The following TMEM266 variants were observed in gnomAD, a reference collection of about 807,000 sequenced individuals.
The protein encoded by TMEM266 is transmembrane protein 266.
A neutral mutation model predicts 50.5 loss-of-function variants in TMEM266; 33 were observed. The ratio of observed to expected loss-of-function variants is 0.65; its 90% CI spans 0.50 to 0.87. The LOEUF (loss-of-function observed/expected upper bound fraction) is 0.87. TMEM266 is among the 40% of genes least tolerant of loss of function. TMEM266 has a pLI of 0.00. For synonymous variants in TMEM266, 310 were observed against 292.3 expected (o/e 1.06, Z -0.62); for missense variants, 655 against 695.1 (o/e 0.94, Z 0.65).
intron 8 of TMEM266, 92 bp from the exon 9 acceptor site, chr15:76,191,875 GC>G (rs1356960704): frequency 3.2e-6 from 3 of 936,248 alleles, no homozygotes; most frequent in African/African-American, 1.8e-5. Context: ...TCCCCACCCC[GC>G]CCCCATGCAG....
chr15:76,106,391 T>C (rs1366074077), intron 1 of TMEM266, among the ~76,000 whole-genome samples: 1 of 152,168 alleles, frequency 6.6e-6, no homozygotes, highest in African/African-American at 2.4e-5. Flanking sequence ...ATATTTATAG[T>C]ATACAACATA....
In TMEM266 at chr15:76,145,657, C is replaced by T. The variant is rs553144919; in HGVS notation, c.227+7762C>T. 1.2e-4 allele frequency among the ~76,000 whole-genome samples: 18 copies of T among 152,378 alleles called. 1 individual carries two copies. Among genetic ancestry groups the T allele is most frequent in the Admixed American group, 1.2e-3 (18 of 15,302 alleles). On this transcript the variant is annotated intron_variant, in intron 3 of 10. Transcript: ENST00000388942. ...GTGTGAACATTAGAGAGAGGATCATCCACAGCTTTTAAGGAAGCCAGTTCT... is the reference window on the plus strand; with the variant it reads ...GTGTGAACATTAGAGAGAGGATCATTCACAGCTTTTAAGGAAGCCAGTTCT...
At chr15:76,176,313 T>G (rs1015034300) in intron 8 of TMEM266, 2 of 153,086 alleles carry the variant, frequency 1.3e-5, no homozygotes, top group Non-Finnish European at 2.9e-5. Flanking sequence ...AGTTCCTTCC[T>G]CTGTAAGATG....
chr15:76,136,347 C>G (rs117301981), intron 2 of TMEM266, among the ~76,000 whole-genome samples: 5 of 152,222 alleles, frequency 3.3e-5, no homozygotes, highest in African/African-American at 1.2e-4. Context: ...CTCCTCCGAT[C>G]TTCTCCATAT....
chr15:76,189,362 G>GAGGAAGGA (rs570387591), intron 8 of TMEM266, among the ~76,000 whole-genome samples: 1 of 144,588 alleles, frequency 6.9e-6, no homozygotes, highest in Non-Finnish European at 1.5e-5. Flanking sequence ...GGGAGGGAGG[G>GAGGAAGGA]AGGAAGGAAG....
At chr15:76,111,573 G>A (rs2935972) in intron 1 of TMEM266, among the ~76,000 whole-genome samples, 63,397 of 151,180 alleles carry the variant, frequency 0.42, 14,581 homozygotes, top group East Asian at 0.61. Flanking sequence ...ATGCCCAGCT[G>A]ATTTTTGTAT....
chr15:76,067,791 A>G (rs1415703754), intron 1 of TMEM266, among the ~76,000 whole-genome samples: 2 of 151,336 alleles, frequency 1.3e-5, no homozygotes, highest in African/African-American at 2.4e-5. Context: ...GGGGCATTGT[A>G]ATTTAAGTGC....
At chr15:76,082,002 A>G (rs77172589) in intron 1 of TMEM266, among the ~76,000 whole-genome samples, 1 of 152,092 alleles carries the variant, frequency 6.6e-6, no homozygotes, top group African/African-American at 2.4e-5. Context: ...TGATCTTTGT[A>G]TTCTCAATTC....
chr15:76,149,401 C>T (rs1338591751), intron 3 of TMEM266, among the ~76,000 whole-genome samples: 1 of 152,110 alleles, frequency 6.6e-6, no homozygotes, highest in Non-Finnish European at 1.5e-5. Flanking sequence ...GGGCCCAGTA[C>T]CCAATACAGT....
At chr15:76,191,486 A>C (rs2038567362) in intron 8 of TMEM266, 1 of 152,680 alleles carries the variant, frequency 6.5e-6, no homozygotes, top group Admixed American at 6.5e-5. Flanking sequence ...AAAACGAGCC[A>C]GTGTTCAGAC....
chr15:76,178,936 A>G (rs1012835014), intron 8 of TMEM266, among the ~76,000 whole-genome samples: 11 of 152,158 alleles, frequency 7.2e-5, no homozygotes, highest in African/African-American at 2.2e-4. Flanking sequence ...AGGGACCAGG[A>G]GGGCAGCTCT....
At chr15:76,089,109 A>AAG (rs2036814013) in intron 1 of TMEM266, among the ~76,000 whole-genome samples, 3 of 149,494 alleles carry the variant, frequency 2.0e-5, no homozygotes, top group Admixed American at 6.7e-5. Flanking sequence ...AAAAAAAAAA[A>AAG]AAAAAGAGGA....
At chr15:76,096,032 CTATCT>C (rs1567149041) in intron 1 of TMEM266, among the ~76,000 whole-genome samples, 1 of 151,878 alleles carries the variant, frequency 6.6e-6, no homozygotes, top group Non-Finnish European at 1.5e-5. Context: ...GGCTAGCAGA[CTATCT>C]ATTTTGTTGT....
At position 76,160,244 on chromosome 15, in the gene TMEM266, G is replaced by C; in HGVS notation, c.456+76G>C. The C allele has an allele frequency of 7.0e-7, 1 of 1,435,628 alleles. No individual in the cohort carries two copies. Among genetic ancestry groups the C allele is most frequent in the Non-Finnish European group, 9.8e-7 (1 of 1,021,848 alleles). 88.9% of individuals were successfully genotyped at this position (1,435,628 alleles called of 1,614,324 possible). ...CTGGGGAAACCAAGGTCTACTTCTCGAAATGGTTTCTAGCATCAGGTCCCC... is the reference window on the plus strand; with the variant it reads ...CTGGGGAAACCAAGGTCTACTTCTCCAAATGGTTTCTAGCATCAGGTCCCC... On this transcript the variant is annotated intron_variant, in intron 5 of 10. Transcript: ENST00000388942. The surrounding 1 kb of genome is among the most constrained non-coding windows in gnomAD (Gnocchi z 5.7).
At chr15:76,113,006 C>T (rs1051897936) in intron 1 of TMEM266, 1 of 152,090 alleles carries the variant, frequency 6.6e-6, no homozygotes, top group Non-Finnish European at 1.5e-5. Flanking sequence ...GAGTGAGACT[C>T]CTACCCACTC....
At chr15:76,201,534 C>T (rs936797078) in intron 9 of TMEM266, among the ~76,000 whole-genome samples, 6 of 152,300 alleles carry the variant, frequency 3.9e-5, no homozygotes, top group East Asian at 1.9e-4. Context: ...TGCATCATCA[C>T]GCCCAGCTAA....
intron 1 of TMEM266, among the ~76,000 whole-genome samples, chr15:76,114,490 C>G (rs1285009316): frequency 6.6e-6 from 1 of 152,128 alleles, no homozygotes; most frequent in East Asian, 1.9e-4. Flanking sequence ...TGCACTTCAG[C>G]CTGGGTGATA....
chr15:76,137,997 A>G (rs2037617719), intron 3 of TMEM266, 102 bp downstream of exon 3: 3 of 1,184,694 alleles, frequency 2.5e-6, no homozygotes, highest in South Asian at 1.6e-5. Context: ...AGAGGCGGGC[A>G]GATCACCTGA....
chr15:76,168,229 C>T lies in TMEM266; in HGVS notation c.457-1587C>T, dbSNP rs997045031. On this transcript the variant is annotated intron_variant, in intron 5 of 10. Transcript: ENST00000388942. The surrounding 1 kb of genome is among the most constrained non-coding windows in gnomAD (Gnocchi z 4.4). Reference sequence around the variant, plus strand: ...CCACCCAGAGACCGGGAAGTTATAGCGGAGCGGACTTCGGGCTGCCACATG... The same window carrying T: ...CCACCCAGAGACCGGGAAGTTATAGTGGAGCGGACTTCGGGCTGCCACATG... Among the ~76,000 whole-genome samples the T allele has an allele frequency of 1.3e-5, 2 of 152,196 alleles. No individual in the cohort carries two copies. Among genetic ancestry groups the T allele is most frequent in the East Asian group, 1.9e-4 (1 of 5,182 alleles).
Sources: gnomAD v4.1 joint callset for allele counts (sites outside exome capture counted in the v4.1 genomes callset) on GRCh38, gnomAD v4.1.1 for gene constraint, Gnocchi (gnomAD v3.1) non-coding constraint, MANE v1.5 for transcripts, NCBI Gene and HGNC (gene_info 2026-07-23, HGNC 2026-07-21) for gene names.